Variants in RNPS1 observed in about 807,000 individuals in gnomAD.
The protein encoded by RNPS1 is RNA-binding protein with serine-rich domain 1.
For synonymous variants in RNPS1, 147 were observed against 150.0 expected (o/e 0.98, Z 0.15); for missense variants, 300 against 427.6 (o/e 0.70, Z 2.63).
At chr16:2,267,372 A>T in intron 1 of RNPS1, 10 of 984,068 alleles carry the variant, frequency 1.0e-5, no homozygotes, top group Non-Finnish European at 1.2e-5. Context: ...CAAAAAGCCT[A>T]CTCCACGTTT....
chr16:2,265,832 G>GTT (rs571585753), intron 1 of RNPS1: 1 of 152,098 alleles, frequency 6.6e-6, no homozygotes, highest in Non-Finnish European at 1.5e-5. Flanking sequence ...ACCTTCCTGT[G>GTT]TTTTTTTTAA....
chr16:2,254,740 CTTTTTT>C (rs11315814), intron 7 of RNPS1, among the ~76,000 whole-genome samples: 3 of 103,590 alleles, frequency 2.9e-5, no homozygotes, highest in East Asian at 2.9e-4. Flanking sequence ...AAAGTTTTAC[CTTTTTT>C]TTTTTTTTTT....
At chr16:2,264,819 T>C (rs2093618514) in intron 1 of RNPS1, 59 bp from the exon 2 acceptor site, 1 of 1,390,358 alleles carries the variant, frequency 7.2e-7, no homozygotes. Context: ...ACAAGTCTAC[T>C]TTGCAGTCAA....
At chr16:2,262,576 C>T in intron 5 of RNPS1, 145 bp from the exon 6 acceptor site, 1 of 1,033,870 alleles carries the variant, frequency 9.7e-7, no homozygotes, top group Non-Finnish European at 1.4e-6. Flanking sequence ...ATAAATCTCC[C>T]AGACACATGT....
intron 6 of RNPS1, 74 bp downstream of exon 6, chr16:2,262,204 T>A (rs559129856): frequency 6.2e-6 from 9 of 1,444,904 alleles, no homozygotes; most frequent in East Asian, 2.3e-5. Flanking sequence ...TGCAGCCCAG[T>A]TGGAAATCAG....
In RNPS1 at chr16:2,254,076, G is replaced by A. The variant is rs377308098; in HGVS notation, c.819-13C>T. On this transcript the variant is annotated splice_polypyrimidine_tract_variant and intron_variant, in intron 7 of 7. Transcript: ENST00000320225. ...CGGGGAGCGGGACCTGCGGGAAGAG[G>A]AGAAACCACATCAGAGTAGCTCAGG... 311 of 1,466,100 alleles carry A rather than the reference G, an allele frequency of 2.1e-4. 1 individual carries two copies. The highest frequency in any genetic ancestry group is 2.0e-3 in the Middle Eastern group (11 of 5,592). The allele number at this position is 1,466,100 out of a possible 1,614,324, so 90.8% of individuals were successfully genotyped here. A position where few individuals can be genotyped will look rare whatever the true frequency, so the allele number is the denominator to read the frequency against.
At chr16:2,255,953 G>A (rs557284442) in intron 6 of RNPS1, 31 of 525,380 alleles carry the variant, frequency 5.9e-5, no homozygotes, top group Non-Finnish European at 9.2e-5. Context: ...TGGTGAAAAT[G>A]TCTCTACTAA....
At chr16:2,267,068 C>T in intron 1 of RNPS1, 1 of 625,488 alleles carries the variant, frequency 1.6e-6, no homozygotes, top group Non-Finnish European at 2.0e-6. Flanking sequence ...AATCAAACAC[C>T]ACCAGTTATT....
intron 1 of RNPS1, chr16:2,266,365 A>G (rs1231735757): frequency 2.0e-6 from 2 of 985,256 alleles, no homozygotes; most frequent in African/African-American, 1.7e-5. Context: ...TAGTGCCTCG[A>G]CACTCTTTGT....
At chr16:2,266,494 A>C in intron 1 of RNPS1, 3 of 949,654 alleles carry the variant, frequency 3.2e-6, no homozygotes, top group Non-Finnish European at 3.8e-6. Flanking sequence ...TCCTTTCTCA[A>C]GTTTCTCATC....
At chr16:2,264,453 T>TA in intron 2 of RNPS1, 120 bp downstream of exon 2, 1 of 1,537,432 alleles carries the variant, frequency 6.5e-7, no homozygotes, top group Non-Finnish European at 9.0e-7. Context: ...CAGAGCAAAG[T>TA]GGTCTGTGGC....
chr16:2,262,734 C>T lies in RNPS1; in HGVS notation c.522+6G>A. On this transcript the variant is annotated splice_donor_region_variant and intron_variant, in intron 5 of 7. Transcript: ENST00000320225. Reference sequence around the variant, plus strand: ...ACTGCCCACAGGAGAGATCCATGATCCTCACCTTTGTCACATTCCGGGTGA... The same window carrying T: ...ACTGCCCACAGGAGAGATCCATGATTCTCACCTTTGTCACATTCCGGGTGA... The T allele has an allele frequency of 6.2e-7, 1 of 1,610,476 alleles. No homozygotes were observed. The highest frequency in any genetic ancestry group is 8.5e-7 in the Non-Finnish European group (1 of 1,178,156).
chr16:2,260,147 CTTTTTTTTTTTTTTTTT>C (rs776703032), intron 6 of RNPS1, among the ~76,000 whole-genome samples: 2 of 72,432 alleles, frequency 2.8e-5, no homozygotes, highest in African/African-American at 5.2e-5. Context: ...TGTGTGTATT[CTTTTTTTTTTTTTTTTT>C]TTTTTTTTTG....
chr16:2,264,122 G>C, intron 3 of RNPS1, 54 bp downstream of exon 3: 1 of 1,594,588 alleles, frequency 6.3e-7, no homozygotes, highest in Non-Finnish European at 8.6e-7. Flanking sequence ...TGTGGGGAGT[G>C]GGGGTGTAGC....
At chr16:2,263,577 T>G (rs980244476) in intron 3 of RNPS1, among the ~76,000 whole-genome samples, 5 of 152,172 alleles carry the variant, frequency 3.3e-5, no homozygotes, top group Admixed American at 6.5e-5. Flanking sequence ...AACTGCCAAC[T>G]CAGGCTGGGA....
intron 6 of RNPS1, 83 bp downstream of exon 6, chr16:2,262,195 G>T: frequency 7.3e-7 from 1 of 1,376,214 alleles, no homozygotes; most frequent in Non-Finnish European, 1.0e-6. Flanking sequence ...AAAAAGAAGT[G>T]CAGCCCAGTT....
At chr16:2,267,696 T>A in intron 1 of RNPS1, 1 of 1,186,616 alleles carries the variant, frequency 8.4e-7, no homozygotes, top group Non-Finnish European at 1.0e-6. Flanking sequence ...CCGCGAGCGC[T>A]TCCAGGGCAG....
At chr16:2,263,367 C>A (rs1325433390) in intron 3 of RNPS1, 80 bp from the exon 4 acceptor site, 2 of 1,430,108 alleles carry the variant, frequency 1.4e-6, no homozygotes, top group African/African-American at 2.8e-5. Context: ...TGTTGTGCTC[C>A]CCCCAGGAGA....
intron 6 of RNPS1, chr16:2,257,648 A>G (rs1321059825): frequency 6.6e-6 from 1 of 152,186 alleles, no homozygotes; most frequent in African/African-American, 2.4e-5. Context: ...AGACTGTCAA[A>G]CAGCAGATAA....
Sources: allele counts gnomAD v4.1 joint callset (sites outside exome capture counted in the v4.1 genomes callset), GRCh38; gene constraint gnomAD v4.1.1; transcripts MANE v1.5; gene names NCBI Gene and HGNC (gene_info 2026-07-23, HGNC 2026-07-21).